C16orf87: variants seen among roughly 807,000 people sequenced by gnomAD.
C16orf87 encodes HDAC and MIER1 interacting protein 1.
A neutral mutation model predicts 21.0 loss-of-function variants in C16orf87; 13 were observed. The ratio of observed to expected loss-of-function variants is 0.62; its 90% confidence interval spans 0.40 to 0.98. C16orf87 has a LOEUF of 0.98. C16orf87 is among the 50% of genes least tolerant of loss of function. The probability of loss-of-function intolerance (pLI) is 0.00; values close to 1 mark genes in which losing one functional copy is unlikely to be tolerated. For missense variants in C16orf87, 113 were observed against 180.4 expected (o/e 0.63, Z 2.14); for synonymous variants, 49 against 60.2 (o/e 0.81, Z 0.86).
At chr16:46,826,669 C>T (rs1031475976) in intron 1 of C16orf87, among the ~76,000 whole-genome samples, 10 of 152,058 alleles carry the variant, frequency 6.6e-5, no homozygotes, top group South Asian at 4.1e-4. Context: ...CTTCAAATCA[C>T]GACAAAAAAA....
chr16:46,824,667 C>T (rs1223739421), intron 1 of C16orf87, among the ~76,000 whole-genome samples, 185 bp from the exon 2 acceptor site: 6 of 137,064 alleles, frequency 4.4e-5, no homozygotes, highest in South Asian at 2.3e-4. Context: ...TATTCACATT[C>T]TTTTTTTTTT....
intron 2 of C16orf87, among the ~76,000 whole-genome samples, chr16:46,820,772 G>A (rs1959385433): frequency 6.6e-6 from 1 of 152,130 alleles, no homozygotes; most frequent in Non-Finnish European, 1.5e-5. Context: ...ACAACTACTG[G>A]TAAGACTGGT....
At chr16:46,822,782 A>G (rs1463203745) in intron 2 of C16orf87, among the ~76,000 whole-genome samples, 1 of 152,164 alleles carries the variant, frequency 6.6e-6, no homozygotes, top group African/African-American at 2.4e-5. Flanking sequence ...AGCAGCTAGA[A>G]TGATCTTTCT....
In C16orf87 at chr16:46,796,980, A is replaced by T. The variant is rs1967625352; in HGVS notation, c.*5972T>A. 6.6e-6 allele frequency: 1 copy of T among 152,238 alleles called. No individual in the cohort carries two copies. The highest frequency in any genetic ancestry group is 2.4e-5 in the African/African-American group (1 of 41,466). The allele number at this position is 152,238 out of a possible 1,614,324, so 9.4% of individuals were successfully genotyped here. Reference sequence around the variant, plus strand: ...CTGAAAATACTCAGAGAAAAATAACATGTTTCATACAGGGGAAATATTACT... The same window carrying T: ...CTGAAAATACTCAGAGAAAAATAACTTGTTTCATACAGGGGAAATATTACT... On this transcript the variant is annotated 3_prime_UTR_variant, in exon 4 of 4. Transcript: ENST00000285697.
intron 1 of C16orf87, among the ~76,000 whole-genome samples, chr16:46,828,480 TTGAG>T (rs1959710879): frequency 1.3e-5 from 2 of 152,122 alleles, no homozygotes; most frequent in Admixed American, 6.5e-5. Flanking sequence ...CTCAGTAATT[TTGAG>T]TGATTGATGG....
At chr16:46,806,736 T>C (rs1237498084) in intron 3 of C16orf87, among the ~76,000 whole-genome samples, 2 of 152,228 alleles carry the variant, frequency 1.3e-5, no homozygotes, top group African/African-American at 4.8e-5. Flanking sequence ...AAAGATATAT[T>C]ATTATGATGA....
rs760121852 is a variant in C16orf87, at chr16:46,831,177, C to T, written c.-28G>A. The T allele has an allele frequency of 1.9e-6, 3 of 1,545,490 alleles. No individual in the cohort carries two copies. The highest frequency in any genetic ancestry group is 2.6e-5 in the East Asian group (1 of 39,010). On this transcript the variant is annotated 5_prime_UTR_variant, in exon 1 of 4. Coordinates refer to ENST00000285697, the MANE Select transcript of C16orf87 (RefSeq NM_001001436.4). The stretch of plus-strand genomic sequence containing the variant: ...TCCTCTCCCTTAGCGGCGGCAGCAG[C>T]GACGGCTCGGGCTCCTCCCCTCACA...
At chr16:46,825,517 A>G (rs1260645388) in intron 1 of C16orf87, among the ~76,000 whole-genome samples, 1 of 152,240 alleles carries the variant, frequency 6.6e-6, no homozygotes, top group Non-Finnish European at 1.5e-5. Context: ...CGTAACAATC[A>G]CATCATGGAA....
In C16orf87 at chr16:46,802,995, G is replaced by C. The variant is rs756089920; in HGVS notation, c.422C>G (p.Ala141Gly). ...EKAFVFSVAL[A>G]EINRKIINQR... is the part of the protein sequence containing the mutation. ...ATTGATAATTTTTCTATTTATTTCT[G>C]CCAAGGCGACTGAAAACACGAAAGC... The change falls in exon 4 of 4, where the codon GCA becomes GGA. Residue 141 changes from alanine (A) to glycine (G), a missense_variant. By Grantham distance (60) the Ala-to-Gly change is moderately conservative. Coordinates refer to ENST00000285697, the MANE Select transcript of C16orf87 (RefSeq NM_001001436.4). 6.2e-6 allele frequency: 10 copies of C among 1,601,924 alleles called. No homozygotes were observed. Among genetic ancestry groups the C allele is most frequent in the Non-Finnish European group, 6.8e-6 (8 of 1,170,340 alleles).
In C16orf87 at chr16:46,800,605, T is replaced by A. The variant is rs758418039; in HGVS notation, c.*2347A>T. 2.6e-5 allele frequency: 4 copies of A among 152,178 alleles called. No individual in the cohort carries two copies. The highest frequency in any genetic ancestry group is 4.4e-5 in the Non-Finnish European group (3 of 68,040). 9.4% of individuals were successfully genotyped at this position (152,178 alleles called of 1,614,324 possible). On this transcript the variant is annotated 3_prime_UTR_variant, in exon 4 of 4. Coordinates refer to ENST00000285697, the MANE Select transcript of C16orf87 (RefSeq NM_001001436.4). ...TTTCAAGGTATTTTGAATAATCATA[T>A]CATTTATAGATATCAGAGCAGAACA...
intron 3 of C16orf87, among the ~76,000 whole-genome samples, chr16:46,803,651 ATTTTG>A (rs894323825): frequency 3.3e-5 from 5 of 151,690 alleles, no homozygotes; most frequent in African/African-American, 1.2e-4. Context: ...ATTTTTGTTT[ATTTTG>A]TTTTGACAGT....
At chr16:46,811,787 G>T (rs541588605) in intron 2 of C16orf87, among the ~76,000 whole-genome samples, 2 of 152,248 alleles carry the variant, frequency 1.3e-5, no homozygotes, top group African/African-American at 4.8e-5. Flanking sequence ...GGTTAAAAAA[G>T]ATATAATCTA....
rs540772366 is a variant in C16orf87 at position 46,816,159 on chromosome 16, C to T, written c.164-6374G>A. Reference sequence around the variant, plus strand: ...AAAGTACAAATATTGTATGATTCCACTTACATGAGATGGCTAGAGCAGTGA... The same window carrying T: ...AAAGTACAAATATTGTATGATTCCATTTACATGAGATGGCTAGAGCAGTGA... On this transcript the variant is annotated intron_variant, in intron 2 of 3. Coordinates refer to ENST00000285697, the MANE Select transcript of C16orf87 (RefSeq NM_001001436.4). 7.2e-5 allele frequency among the ~76,000 whole-genome samples: 11 copies of T among 152,246 alleles called. No individual in the cohort carries two copies. In the South Asian group the frequency reaches 1.5e-3, roughly 20 times the overall value.
chr16:46,800,432 A>C lies in C16orf87; in HGVS notation c.*2520T>G, dbSNP rs532441006. Reference sequence around the variant, plus strand: ...TTTCTAAAACTAACAAACAAAATCAAACTACAAGTATTAAAGTGCCCACAA... The same window carrying C: ...TTTCTAAAACTAACAAACAAAATCACACTACAAGTATTAAAGTGCCCACAA... On this transcript the variant is annotated 3_prime_UTR_variant, in exon 4 of 4. Transcript: ENST00000285697. 6.6e-6 allele frequency: 1 copy of C among 152,324 alleles called. No homozygotes were observed. Among genetic ancestry groups the C allele is most frequent in the African/African-American group, 2.4e-5 (1 of 41,576 alleles). 9.4% of individuals were successfully genotyped at this position (152,324 alleles called of 1,614,324 possible).
intron 2 of C16orf87, among the ~76,000 whole-genome samples, chr16:46,817,712 A>C (rs1968290472): frequency 6.6e-6 from 1 of 151,932 alleles, no homozygotes; most frequent in Non-Finnish European, 1.5e-5. Context: ...AGAAAGAAAG[A>C]GTGGGATTAT....
At chr16:46,827,049 C>A (rs1440154929) in intron 1 of C16orf87, among the ~76,000 whole-genome samples, 1 of 152,186 alleles carries the variant, frequency 6.6e-6, no homozygotes, top group Non-Finnish European at 1.5e-5. Flanking sequence ...ACCCAGAATG[C>A]ACAAACACTG....
At chr16:46,828,902 A>G (rs1412677200) in intron 1 of C16orf87, among the ~76,000 whole-genome samples, 1 of 152,228 alleles carries the variant, frequency 6.6e-6, no homozygotes, top group Non-Finnish European at 1.5e-5. Flanking sequence ...CATATCACCA[A>G]AAGTTTTAAT....
In C16orf87 at chr16:46,806,245, G is replaced by A. The variant is rs140442576; in HGVS notation, c.347-3175C>T. ...TTCAATCCACAATCTTCAGCTTGAA[G>A]TCTACATTCATTTTTTTTTTTTTTT... On this transcript the variant is annotated intron_variant, in intron 3 of 3. Coordinates refer to ENST00000285697, the MANE Select transcript of C16orf87 (RefSeq NM_001001436.4). Among the ~76,000 whole-genome samples, 311 of 150,602 alleles carry A rather than the reference G, an allele frequency of 2.1e-3. 7 individuals are homozygous for A. The East Asian group carries it at 0.049, about 24-fold the overall frequency.
rs570413857 is a variant in C16orf87 at position 46,800,980 on chromosome 16, T to C, written c.*1972A>G. The C allele has an allele frequency of 1.2e-4, 18 of 152,316 alleles. No homozygotes were observed. The highest frequency in any genetic ancestry group is 4.3e-4 in the African/African-American group (18 of 41,576). The allele number at this position is 152,316 out of a possible 1,614,324, so 9.4% of individuals were successfully genotyped here. A position where few individuals can be genotyped will look rare whatever the true frequency, so the allele number is the denominator to read the frequency against. On this transcript the variant is annotated 3_prime_UTR_variant, in exon 4 of 4. Transcript: ENST00000285697. ...ACCATATCCAATGAATATTTTAACATGACTTTCCTGTAATGGTCTTCAGCT... is the reference window on the plus strand; with the variant it reads ...ACCATATCCAATGAATATTTTAACACGACTTTCCTGTAATGGTCTTCAGCT...
Sources: allele counts gnomAD v4.1 joint callset (sites outside exome capture counted in the v4.1 genomes callset), GRCh38; gene constraint gnomAD v4.1.1; transcripts MANE v1.5; gene names NCBI Gene and HGNC (gene_info 2026-07-23, HGNC 2026-07-21).